Variants in GRAMD1C observed in about 807,000 individuals in gnomAD.
The protein encoded by GRAMD1C is GRAM domain containing 1C, also known as protein Aster-C.
GRAMD1C carries 89 observed loss-of-function variants against 97.8 expected under a neutral mutation model. The observed-to-expected ratio is 0.91, with a 90% CI of 0.77 to 1.09. The LOEUF (loss-of-function observed/expected upper bound fraction) is 1.09. Ranked by LOEUF, GRAMD1C falls within the 50% of genes least tolerant of loss-of-function variation. The probability of loss-of-function intolerance (pLI) is 0.00; values close to 1 mark genes in which losing one functional copy is unlikely to be tolerated. For missense variants in GRAMD1C, 740 were observed against 766.4 expected (o/e 0.97, Z 0.41); for synonymous variants, 256 against 267.0 (o/e 0.96, Z 0.40).
chr3:113,868,640 GTAA>G (rs1198319836), intron 2 of GRAMD1C, among the ~76,000 whole-genome samples: 1 of 152,148 alleles, frequency 6.6e-6, no homozygotes, highest in Non-Finnish European at 1.5e-5. Context: ...CATAGAGCCA[GTAA>G]GGCTTTTCCC....
intron 17 of GRAMD1C, among the ~76,000 whole-genome samples, chr3:113,940,697 A>T (rs1403230283): frequency 1.3e-5 from 2 of 152,134 alleles, no homozygotes; most frequent in African/African-American, 4.8e-5. Context: ...TTTTTACAGG[A>T]ATGGTAGCTA....
intron 11 of GRAMD1C, among the ~76,000 whole-genome samples, chr3:113,933,045 T>C (rs1194374417): frequency 6.6e-6 from 1 of 150,908 alleles, no homozygotes; most frequent in African/African-American, 2.4e-5. Context: ...CCGCCACTCC[T>C]GGCTAATTTT....
chr3:113,830,110 G>C (rs963800205), intron 1 of GRAMD1C, among the ~76,000 whole-genome samples: 1 of 152,154 alleles, frequency 6.6e-6, no homozygotes, highest in African/African-American at 2.4e-5. Flanking sequence ...GTCGGACCAG[G>C]TGTGTCATTT....
chr3:113,907,266 AT>A (rs961624408), intron 8 of GRAMD1C, among the ~76,000 whole-genome samples: 3 of 152,342 alleles, frequency 2.0e-5, no homozygotes, highest in African/African-American at 7.2e-5. Flanking sequence ...AAAACATTGA[AT>A]GAAAATATAT....
In GRAMD1C at chr3:113,864,411, C is replaced by T. The variant is rs576129936; in HGVS notation, c.175-5096C>T. 9.9e-5 allele frequency among the ~76,000 whole-genome samples: 15 copies of T among 152,226 alleles called. 1 individual carries two copies. The South Asian group carries it at 2.3e-3, about 23-fold the overall frequency. On this transcript the variant is annotated intron_variant, in intron 2 of 17. Transcript: ENST00000358160. The stretch of plus-strand genomic sequence containing the variant: ...TTACAGACATGAGCCACCGCGCCGG[C>T]CTATTTTATTTTTTCTTTTCAAAGC...
At chr3:113,899,220 C>T (rs74474706) in intron 6 of GRAMD1C, among the ~76,000 whole-genome samples, 3,389 of 152,206 alleles carry the variant, frequency 0.022, 77 homozygotes, top group East Asian at 0.11. Flanking sequence ...TGTATTTATT[C>T]TGTATTTTTA....
intron 7 of GRAMD1C, among the ~76,000 whole-genome samples, chr3:113,903,433 TTCC>T (rs1337728642): frequency 1.3e-5 from 2 of 152,176 alleles, no homozygotes; most frequent in Non-Finnish European, 2.9e-5. Flanking sequence ...TCCTTCCTTC[TTCC>T]TCCTCCTTTC....
intron 17 of GRAMD1C, among the ~76,000 whole-genome samples, chr3:113,944,041 T>G (rs1937942314): frequency 6.6e-6 from 1 of 152,232 alleles, no homozygotes; most frequent in Non-Finnish European, 1.5e-5. Flanking sequence ...GTGATCTTAT[T>G]CACACCCCTA....
upstream of GRAMD1C, among the ~76,000 whole-genome samples, chr3:113,835,105 G>A (rs1465416447): frequency 1.3e-5 from 2 of 151,676 alleles, no homozygotes; most frequent in Admixed American, 6.6e-5. Context: ...TCCTAATTAA[G>A]CATTCCCCTG....
chr3:113,879,003 G>A (rs534919934), intron 5 of GRAMD1C, among the ~76,000 whole-genome samples: 21 of 151,950 alleles, frequency 1.4e-4, no homozygotes, highest in South Asian at 4.2e-4. Flanking sequence ...TCAGGAGTTC[G>A]AGACCAGCCT....
At chr3:113,899,168 C>T (rs957617200) in intron 6 of GRAMD1C, among the ~76,000 whole-genome samples, 2 of 152,242 alleles carry the variant, frequency 1.3e-5, no homozygotes, top group Non-Finnish European at 2.9e-5. Flanking sequence ...TTCAGTTAGG[C>T]TGATAGACTA....
intron 4 of GRAMD1C, chr3:113,875,943 TTAGA>T (rs892001876): frequency 1.8e-5 from 8 of 454,006 alleles, no homozygotes; most frequent in East Asian, 7.1e-5. Flanking sequence ...TATACTAATG[TTAGA>T]TAGAGGAGTT....
At chr3:113,919,498 AG>A in intron 10 of GRAMD1C, 1 of 533,826 alleles carries the variant, frequency 1.9e-6, no homozygotes, top group Non-Finnish European at 3.8e-6. Flanking sequence ...ACCTAATGAA[AG>A]AACTAGCCTT....
chr3:113,918,677 C>G (rs987025479), intron 10 of GRAMD1C, among the ~76,000 whole-genome samples: 2 of 152,126 alleles, frequency 1.3e-5, no homozygotes, highest in African/African-American at 2.4e-5. Flanking sequence ...GACTTGTTAC[C>G]TGGTAATCAA....
At chr3:113,917,704 T>G (rs762767094) in intron 10 of GRAMD1C, among the ~76,000 whole-genome samples, 13 of 151,322 alleles carry the variant, frequency 8.6e-5, no homozygotes, top group Non-Finnish European at 1.8e-4. Context: ...ACATAATTTT[T>G]TTTTTTGAGA....
chr3:113,907,977 G>A (rs947668149), intron 8 of GRAMD1C, among the ~76,000 whole-genome samples: 1 of 152,070 alleles, frequency 6.6e-6, no homozygotes, highest in Non-Finnish European at 1.5e-5. Context: ...AATAATCTCT[G>A]CATGAAGAAT....
chr3:113,875,728 A>AAT (rs2107384174), intron 4 of GRAMD1C, 141 bp downstream of exon 4: 1 of 381,434 alleles, frequency 2.6e-6, no homozygotes, highest in South Asian at 2.8e-5. Context: ...TGTAAATACA[A>AAT]ACGTGTTGTA....
chr3:113,868,666 A>G (rs1934675144), intron 2 of GRAMD1C, among the ~76,000 whole-genome samples: 1 of 152,108 alleles, frequency 6.6e-6, no homozygotes, highest in Non-Finnish European at 1.5e-5. Context: ...CTATTGACAG[A>G]TCTGTGTGTA....
rs564167304 is a variant in GRAMD1C at position 113,876,275 on chromosome 3, A to G, written c.459+15A>G. 6 of 1,322,166 alleles carry G rather than the reference A, an allele frequency of 4.5e-6. No individual in the cohort carries two copies. In the East Asian group the frequency reaches 9.2e-5, roughly 20 times the overall value. 81.9% of individuals were successfully genotyped at this position (1,322,166 alleles called of 1,614,324 possible). On this transcript the variant is annotated intron_variant, in intron 5 of 17. Transcript: ENST00000358160. ...AAAGTGAAAAGGTGAAAACTTTCCTATCTTTGTTATATTACATAATGTGAA... is the reference window on the plus strand; with the variant it reads ...AAAGTGAAAAGGTGAAAACTTTCCTGTCTTTGTTATATTACATAATGTGAA...
Sources: gnomAD v4.1 joint callset for allele counts (sites outside exome capture counted in the v4.1 genomes callset) on GRCh38, gnomAD v4.1.1 for gene constraint, MANE v1.5 for transcripts, NCBI Gene and HGNC (gene_info 2026-07-23, HGNC 2026-07-21) for gene names.